The following MANSC1 variants were observed in gnomAD, a reference collection of about 807,000 sequenced individuals.
MANSC1 encodes the protein MANSC domain containing 1, also known as MANSC domain-containing protein 1.
In MANSC1, 13 loss-of-function variants were observed where a neutral mutation model predicts 14.1. That is an observed-to-expected ratio of 0.92 (90% confidence interval 0.60 to 1.46). The LOEUF (loss-of-function observed/expected upper bound fraction) is 1.46. Ranked by LOEUF, MANSC1 falls within the 40% of genes most tolerant of loss-of-function variation. The pLI, the probability that MANSC1 is intolerant of heterozygous loss-of-function variation, is 0.00. For missense variants in MANSC1, 486 were observed against 511.4 expected (o/e 0.95, Z 0.48); for synonymous variants, 227 against 200.7 (o/e 1.13, Z -1.11).
At chr12:12,345,316 G>A (rs1447397169) in intron 1 of MANSC1, among the ~76,000 whole-genome samples, 4 of 115,828 alleles carry the variant, frequency 3.5e-5, no homozygotes, top group South Asian at 5.4e-4. Context: ...GCAAAACTCC[G>A]TCTCAAAAAA....
In MANSC1 at chr12:12,330,480, G is replaced by A. The variant is rs753505797; in HGVS notation, c.843C>T (p.Thr281=). The stretch of plus-strand genomic sequence containing the variant: ...CCCGTGTAAAAACTGTAGAAATGAG[G>A]GTCGTGGGAGGCTGAGAAGTGACAG... ...VTTVTSQPPT[T]LISTVFTRAA... is the part of the protein sequence containing the mutation. The change falls in exon 4 of 4, where the codon ACC becomes ACT. Residue 281 remains threonine, a synonymous_variant. Coordinates refer to ENST00000535902, the MANE Select transcript of MANSC1 (RefSeq NM_018050.4). 1.9e-6 allele frequency: 3 copies of A among 1,613,590 alleles called. No homozygotes were observed. The South Asian group carries it at 3.3e-5, about 18-fold the overall frequency.
chr12:12,336,191 T>G (rs1356997293), intron 3 of MANSC1, among the ~76,000 whole-genome samples: 1 of 152,184 alleles, frequency 6.6e-6, no homozygotes, highest in Non-Finnish European at 1.5e-5. Context: ...CAAGGTGTTA[T>G]GTGATCTGGC....
intron 2 of MANSC1, among the ~76,000 whole-genome samples, chr12:12,341,820 G>A (rs558316741): frequency 1.1e-4 from 16 of 152,310 alleles, no homozygotes; most frequent in African/African-American, 2.2e-4. Context: ...GTGAAACCAC[G>A]TCTCTATTGA....
Position 12,330,724 on chromosome 12 carries a change from T to G in MANSC1, c.599A>C (p.Glu200Ala), listed in dbSNP as rs774236125. The G allele has an allele frequency of 9.9e-6, 16 of 1,614,220 alleles. No homozygotes were observed. The highest frequency in any genetic ancestry group is 1.4e-5 in the Non-Finnish European group (16 of 1,180,040). Residue 200 changes from glutamate (E) to alanine (A), a missense_variant, in exon 4 of 4, where the codon GAA (glutamate) becomes GCA (alanine). Physicochemically the swap from Glu to Ala is moderately radical, Grantham distance 107. Transcript: ENST00000535902. ...TTGTGAACTCTGAGAATGGCCTTTTTCCTTATAAGCAAGGAGCTGGGCACT... is the reference window on the plus strand; with the variant it reads ...TTGTGAACTCTGAGAATGGCCTTTTGCCTTATAAGCAAGGAGCTGGGCACT... ...EASAQLLAYKEKGHSQSSQFS... is the reference protein window; with the variant it reads ...EASAQLLAYKAKGHSQSSQFS...
Position 12,330,449 on chromosome 12 carries a change from C to A in MANSC1, c.874G>T (p.Ala292Ser). The A allele has an allele frequency of 6.2e-7, 1 of 1,614,144 alleles. No homozygotes were observed. Among genetic ancestry groups the A allele is most frequent in the East Asian group, 2.2e-5 (1 of 44,880 alleles). The change falls in exon 4 of 4, where the codon GCT becomes TCT. Residue 292 changes from alanine (A) to serine (S), a missense_variant. By Grantham distance (99) the Ala-to-Ser change is moderately conservative. Coordinates refer to ENST00000535902, the MANE Select transcript of MANSC1 (RefSeq NM_018050.4). ...GTTGTAGCCATTGCTTGGAGTGTAG[C>A]CGCAGCCCGTGTAAAAACTGTAGAA... is the stretch of plus-strand genomic sequence containing the variant. ...LISTVFTRAA[A>S]TLQAMATTAV... is the part of the protein sequence containing the mutation.
At chr12:12,335,790 C>T (rs1015360543) in intron 3 of MANSC1, among the ~76,000 whole-genome samples, 5 of 151,428 alleles carry the variant, frequency 3.3e-5, no homozygotes, top group Non-Finnish European at 7.4e-5. Flanking sequence ...GGCACTGAAC[C>T]GACACTGCAT....
At chr12:12,345,587 G>A (rs1458856377) in intron 1 of MANSC1, among the ~76,000 whole-genome samples, 1 of 152,052 alleles carries the variant, frequency 6.6e-6, no homozygotes, top group African/African-American at 2.4e-5. Flanking sequence ...GGTTCTTTTA[G>A]GAAAAATAAA....
At chr12:12,336,533 A>AT (rs574909847) in intron 3 of MANSC1, among the ~76,000 whole-genome samples, 54 of 147,336 alleles carry the variant, frequency 3.7e-4, no homozygotes, top group South Asian at 1.7e-3. Context: ...TTGTTTTCCT[A>AT]TTTTTTTTTT....
At chr12:12,337,418 G>C (rs373766776) in intron 3 of MANSC1, among the ~76,000 whole-genome samples, 1 of 152,036 alleles carries the variant, frequency 6.6e-6, no homozygotes, top group East Asian at 1.9e-4. Flanking sequence ...AAAATTAGCC[G>C]GGCGTGGTGG....
Position 12,330,119 on chromosome 12 carries a change from C to G in MANSC1, c.1204G>C (p.Val402Leu). 5 of 1,613,868 alleles carry G rather than the reference C, an allele frequency of 3.1e-6. No homozygotes were observed. Among genetic ancestry groups the G allele is most frequent in the Non-Finnish European group, 4.2e-6 (5 of 1,179,836 alleles). ...FGVLFLVIGLVLLGRILSESL... is the reference protein window; with the variant it reads ...FGVLFLVIGLLLLGRILSESL... Reference sequence around the variant, plus strand: ...TCCGAGAGGATTCTACCCAGGAGGACGAGGCCTATCACCAGGAACAGGACA... The same window carrying G: ...TCCGAGAGGATTCTACCCAGGAGGAGGAGGCCTATCACCAGGAACAGGACA... Residue 402 changes from valine to leucine, a missense_variant, in exon 4 of 4, where the codon GTC (valine) becomes CTC (leucine). Physicochemically the swap from Val to Leu is conservative, Grantham distance 32 (BLOSUM62 1). Transcript: ENST00000535902.
At position 12,330,057 on chromosome 12, in the gene MANSC1, A is replaced by G; in HGVS notation, c.1266T>C (p.Tyr422=). The change falls in exon 4 of 4, where the codon TAT becomes TAC. Residue 422 remains tyrosine (Y), a synonymous_variant. Coordinates refer to ENST00000535902, the MANE Select transcript of MANSC1 (RefSeq NM_018050.4). ...TGTCCACATAGATCCCATTGATCAA[A>G]TAATCCAGTCTTGAGTAACGTTTCC... ...LRRKRYSRLD[Y]LINGIYVDI is the part of the protein sequence containing the mutation. 6.2e-7 allele frequency: 1 copy of G among 1,614,194 alleles called. No homozygotes were observed. Among genetic ancestry groups the G allele is most frequent in the Non-Finnish European group, 8.5e-7 (1 of 1,180,032 alleles).
At chr12:12,344,475 C>CT (rs201589688) in intron 1 of MANSC1, among the ~76,000 whole-genome samples, 8,454 of 141,988 alleles carry the variant, frequency 0.06, 311 homozygotes, top group Non-Finnish European at 0.081. Flanking sequence ...CAGCCTATAT[C>CT]TTTTTTTTTT....
intron 3 of MANSC1, among the ~76,000 whole-genome samples, chr12:12,332,230 C>T (rs1163679433): frequency 6.6e-6 from 1 of 152,258 alleles, no homozygotes; most frequent in Non-Finnish European, 1.5e-5. Flanking sequence ...TCTCAGTCCA[C>T]TCACTCCTGC....
At chr12:12,346,554 G>C (rs1863012563) in intron 1 of MANSC1, among the ~76,000 whole-genome samples, 1 of 152,134 alleles carries the variant, frequency 6.6e-6, no homozygotes, top group Non-Finnish European at 1.5e-5. Context: ...CCCAGAAATA[G>C]ACCCTCACAA....
At chr12:12,344,693 T>C (rs1306151829) in intron 1 of MANSC1, among the ~76,000 whole-genome samples, 2 of 148,910 alleles carry the variant, frequency 1.3e-5, no homozygotes, top group African/African-American at 4.9e-5. Flanking sequence ...ATGATCTCGA[T>C]CTCCTGACCA....
At chr12:12,343,861 C>T (rs1862970183) in intron 1 of MANSC1, among the ~76,000 whole-genome samples, 1 of 152,172 alleles carries the variant, frequency 6.6e-6, no homozygotes, top group Admixed American at 6.5e-5. Flanking sequence ...CCTGTAATCT[C>T]AGCACTTTGG....
chr12:12,331,577 T>C (rs1214434219), intron 3 of MANSC1, among the ~76,000 whole-genome samples: 1 of 151,734 alleles, frequency 6.6e-6, no homozygotes, highest in Non-Finnish European at 1.5e-5. Flanking sequence ...AGATGACAAA[T>C]GGGGAGCAAG....
intron 1 of MANSC1, among the ~76,000 whole-genome samples, chr12:12,347,667 A>G (rs1042654193): frequency 2.0e-5 from 3 of 152,256 alleles, no homozygotes; most frequent in African/African-American, 7.2e-5. Context: ...ATCATATGTC[A>G]TTAGGGGATT....
chr12:12,342,805 A>G (rs570222606), intron 2 of MANSC1, among the ~76,000 whole-genome samples: 1 of 152,022 alleles, frequency 6.6e-6, no homozygotes, highest in South Asian at 2.1e-4. Flanking sequence ...AACCATTTCA[A>G]TAGGATTTTT....
Sources: allele counts gnomAD v4.1 joint callset (sites outside exome capture counted in the v4.1 genomes callset), GRCh38; gene constraint gnomAD v4.1.1; transcripts MANE v1.5; gene names NCBI Gene and HGNC (gene_info 2026-07-23, HGNC 2026-07-21).